DNAH6: variants seen among roughly 807,000 people sequenced by gnomAD.
DNAH6 encodes the protein dynein axonemal heavy chain 6, also known as axonemal beta dynein heavy chain 6.
In DNAH6, 340 loss-of-function variants were observed where a neutral mutation model predicts 491.4. The ratio of observed to expected loss-of-function variants is 0.69; its 90% CI spans 0.63 to 0.76. The LOEUF is 0.76. DNAH6 is among the 30% of genes least tolerant of loss of function. The pLI is 0.00. For synonymous variants in DNAH6, 1,603 were observed against 1,686.1 expected, an observed-to-expected ratio of 0.95 and a Z score of 1.21; for missense variants, 4,443 against 4,972.2, an observed-to-expected ratio of 0.89 and a Z score of 3.20.
chr2:84,631,186 G>A (rs188318372), intron 29 of DNAH6, among the ~76,000 whole-genome samples: 2 of 152,220 alleles, frequency 1.3e-5, no homozygotes, highest in Admixed American at 6.5e-5. Context: ...ACCAGGTCAC[G>A]ATGCATCCAT....
At chr2:84,677,637 C>G (rs1319272731) in intron 41 of DNAH6, among the ~76,000 whole-genome samples, 1 of 152,192 alleles carries the variant, frequency 6.6e-6, no homozygotes, top group Non-Finnish European at 1.5e-5. Context: ...GTACTCACTT[C>G]CCTAATAGGC....
At chr2:84,517,709 A>G (rs1206562235) in intron 1 of DNAH6, 110 bp from the exon 2 acceptor site, 3 of 771,840 alleles carry the variant, frequency 3.9e-6, no homozygotes, top group Non-Finnish European at 6.2e-6. Flanking sequence ...TATTTGAGGG[A>G]AGTGAGCGAA....
chr2:84,682,594 T>C (rs1693888779), intron 42 of DNAH6, among the ~76,000 whole-genome samples: 2 of 152,178 alleles, frequency 1.3e-5, no homozygotes, highest in African/African-American at 4.8e-5. Context: ...TTGGCATGTC[T>C]AAATGGAACT....
chr2:84,604,206 A>G, intron 18 of DNAH6, 133 bp from the exon 19 acceptor site: 1 of 685,364 alleles, frequency 1.5e-6, no homozygotes, highest in Non-Finnish European at 2.4e-6. Context: ...GCAGTCATCC[A>G]GATTTTGCTC....
Position 84,558,613 on chromosome 2 carries a change from T to C in DNAH6, c.1803+678T>C, listed in dbSNP as rs963257261. 3.9e-5 allele frequency among the ~76,000 whole-genome samples: 6 copies of C among 152,156 alleles called. No individual in the cohort carries two copies. The East Asian group carries it at 9.7e-4, about 24-fold the overall frequency. ...ACTAAAGTCATTTTTTCATTACATG[T>C]TTAATGTTTTGTTAAAACAAAAACA... On this transcript the variant is annotated intron_variant, in intron 11 of 76. Transcript: ENST00000389394.
At chr2:84,810,556 C>G (rs1325795376) in intron 72 of DNAH6, among the ~76,000 whole-genome samples, 2 of 152,228 alleles carry the variant, frequency 1.3e-5, no homozygotes, top group Non-Finnish European at 2.9e-5. Context: ...CCTTCCTCAC[C>G]TGACCTCTAG....
At position 84,784,739 on chromosome 2, in the gene DNAH6, A is replaced by G. The variant is rs1185649111; in HGVS notation, c.10882A>G (p.Thr3628Ala). 4.5e-6 allele frequency: 7 copies of G among 1,549,902 alleles called. No individual in the cohort carries two copies. The highest frequency in any genetic ancestry group is 6.1e-6 in the Non-Finnish European group (7 of 1,145,636). The change falls in exon 66 of 77, where the codon ACT becomes GCT. Residue 3628 changes from threonine to alanine, a missense_variant. Around this residue, in one of 3 missense-constraint regions of DNAH6, gnomAD observed 1,463 missense variants for 1,656.6 expected, o/e 0.88. Coordinates refer to ENST00000389394, the MANE Select transcript of DNAH6 (RefSeq NM_001370.2). Reference sequence around the variant, plus strand: ...TTAAGCAGATAGTGCTATCAAGGACACTTTTCGACTTTTTTTAAGCTCCAT... The same window carrying G: ...TTAAGCAGATAGTGCTATCAAGGACGCTTTTCGACTTTTTTTAAGCTCCAT... ...FTDPDSAIKD[T>A]FRLFLSSMPS...
chr2:84,493,153 A>G, the DNAH6 span, among the ~76,000 whole-genome samples: 2 of 152,166 alleles, frequency 1.3e-5, no homozygotes, highest in Non-Finnish European at 2.9e-5. Context: ...TTACAAAAAC[A>G]CAGGTAGAAG....
At chr2:84,537,204 A>T (rs917698207) in intron 4 of DNAH6, among the ~76,000 whole-genome samples, 4 of 152,068 alleles carry the variant, frequency 2.6e-5, no homozygotes, top group South Asian at 2.1e-4. Context: ...AACATTGCTT[A>T]TGATAAAAAT....
intron 18 of DNAH6, among the ~76,000 whole-genome samples, chr2:84,600,727 A>G (rs1321551810): frequency 6.6e-6 from 1 of 151,988 alleles, no homozygotes; most frequent in African/African-American, 2.4e-5. Context: ...ATGACTTTTC[A>G]CTGATGGTGT....
At position 84,557,986 on chromosome 2, in the gene DNAH6, A is replaced by C. The variant is rs866762112; in HGVS notation, c.1803+51A>C. ...TCTATAATATTCTCAATTTTTATGA[A>C]ATTAAGTAATATATATTTTTTCTTT... On this transcript the variant is annotated intron_variant, in intron 11 of 76. Coordinates refer to ENST00000389394, the MANE Select transcript of DNAH6 (RefSeq NM_001370.2). 9 of 1,194,092 alleles carry C rather than the reference A, an allele frequency of 7.5e-6. No individual in the cohort carries two copies. The Middle Eastern group carries it at 2.1e-3, about 279-fold the overall frequency. 74.0% of individuals were successfully genotyped at this position (1,194,092 alleles called of 1,614,324 possible).
In DNAH6 at chr2:84,813,171, G is replaced by A. The variant is rs761014620; in HGVS notation, c.11998+41G>A. 36 of 1,407,060 alleles carry A rather than the reference G, an allele frequency of 2.6e-5. No homozygotes were observed. The South Asian group carries it at 4.2e-4, about 16-fold the overall frequency. The allele number at this position is 1,407,060 out of a possible 1,614,324, so 87.2% of individuals were successfully genotyped here. Reference sequence around the variant, plus strand: ...AGAAAAACCCCATAGGAATGGCCATGACTTCTCATACACAGGGTTTTGAGG... The same window carrying A: ...AGAAAAACCCCATAGGAATGGCCATAACTTCTCATACACAGGGTTTTGAGG... On this transcript the variant is annotated intron_variant, in intron 74 of 76. Transcript: ENST00000389394.
chr2:84,587,484 A>C (rs895426690), intron 15 of DNAH6, among the ~76,000 whole-genome samples: 1 of 152,188 alleles, frequency 6.6e-6, no homozygotes, highest in African/African-American at 2.4e-5. Flanking sequence ...GCCCATTCTA[A>C]CTAGTGCTTC....
Position 84,524,344 on chromosome 2 carries a change from T to C in DNAH6, c.226-1221T>C, listed in dbSNP as rs1186735966. Among the ~76,000 whole-genome samples the C allele has an allele frequency of 3.3e-5, 5 of 152,208 alleles. No individual in the cohort carries two copies. In the South Asian group the frequency reaches 8.3e-4, roughly 25 times the overall value. ...CTTTTCTTGAGTCCCTGGGTGTTAC[T>C]GCATGTGAGATGGGTCTCTTTAAGA... is the stretch of plus-strand genomic sequence containing the variant. On this transcript the variant is annotated intron_variant, in intron 2 of 76. Coordinates refer to ENST00000389394, the MANE Select transcript of DNAH6 (RefSeq NM_001370.2).
At chr2:84,576,249 CTTATA>C (rs1682434837) in intron 12 of DNAH6, among the ~76,000 whole-genome samples, 3 of 152,040 alleles carry the variant, frequency 2.0e-5, no homozygotes, top group South Asian at 4.1e-4. Flanking sequence ...CTGTTTCTGT[CTTATA>C]TTATGAGGAA....
At chr2:84,668,858 AT>A (rs1692442280) in intron 37 of DNAH6, among the ~76,000 whole-genome samples, 4 of 33,396 alleles carry the variant, frequency 1.2e-4, no homozygotes, top group East Asian at 1.5e-3. Context: ...GTGTGTGTGT[AT>A]GATTGTAATA....
the DNAH6 span, among the ~76,000 whole-genome samples, chr2:84,467,799 G>A: frequency 1.3e-5 from 2 of 152,158 alleles, no homozygotes; most frequent in Admixed American, 6.5e-5. Flanking sequence ...TCTTTGTGTA[G>A]CTAGGGGACA....
At chr2:84,626,592 A>T (rs1172788645) in intron 29 of DNAH6, among the ~76,000 whole-genome samples, 1 of 151,970 alleles carries the variant, frequency 6.6e-6, no homozygotes, top group Non-Finnish European at 1.5e-5. Context: ...TTCTTCTAGA[A>T]CCATTATTTT....
chr2:84,817,906 G>A (rs1242720245), intron 76 of DNAH6, among the ~76,000 whole-genome samples: 6 of 152,134 alleles, frequency 3.9e-5, no homozygotes, highest in Non-Finnish European at 8.8e-5. Context: ...ATTCCAAGGA[G>A]TATTAATCTA....
Sources: allele counts gnomAD v4.1 joint callset (sites outside exome capture counted in the v4.1 genomes callset), GRCh38; gene constraint gnomAD v4.1.1; regional missense constraint gnomAD v4.1.1; transcripts MANE v1.5; gene names NCBI Gene and HGNC (gene_info 2026-07-23, HGNC 2026-07-21).